Variants in GPALPP1 observed in about 807,000 individuals in gnomAD.
The protein encoded by GPALPP1 is GPALPP motifs containing 1.
A neutral mutation model predicts 38.9 loss-of-function variants in GPALPP1; 30 were observed. The ratio of observed to expected loss-of-function variants is 0.77; its 90% confidence interval spans 0.58 to 1.05. GPALPP1 has a LOEUF of 1.05. Among genes scored for constraint, GPALPP1 ranks in the 50% least tolerant of loss-of-function variants. The pLI, the probability that GPALPP1 is intolerant of heterozygous loss-of-function variation, is 0.00. For synonymous variants in GPALPP1, 120 were observed against 139.2 expected (o/e 0.86, Z 0.97); for missense variants, 384 against 408.8 (o/e 0.94, Z 0.52).
chr13:45,036,826 A>T (rs752475473), exon 8 of GPALPP1: 2 of 152,166 alleles, frequency 1.3e-5, no homozygotes, highest in Non-Finnish European at 2.9e-5. Context: ...GTGGCATGGC[A>T]TGCATCTGTA....
exon 8 of GPALPP1, chr13:45,035,470 G>T (rs768001040): frequency 1.3e-5 from 2 of 152,162 alleles, no homozygotes; most frequent in Non-Finnish European, 2.9e-5. Flanking sequence ...TGAACATTGA[G>T]CCTATACTTT....
Position 45,007,079 on chromosome 13 carries a change from C to G in GPALPP1, c.323+776C>G, listed in dbSNP as rs74905874. On this transcript the variant is annotated intron_variant, in intron 3 of 7. Coordinates refer to ENST00000379151, the MANE Select transcript of GPALPP1 (RefSeq NM_018559.5). ...ATTAACTTTAGTTGTTTCAGATATA[C>G]AGGGATAGGCAATCTACAGTCCCCA... is the stretch of plus-strand genomic sequence containing the variant. Among the ~76,000 whole-genome samples the G allele has an allele frequency of 7.3e-3, 1,109 of 151,956 alleles. 16 individuals carry two copies. The highest frequency in any genetic ancestry group is 0.026 in the African/African-American group (1,058 of 41,448).
intron 7 of GPALPP1, among the ~76,000 whole-genome samples, chr13:45,020,997 G>C (rs1344528519): frequency 6.6e-6 from 1 of 152,026 alleles, no homozygotes; most frequent in Non-Finnish European, 1.5e-5. Flanking sequence ...TTGGAATGTT[G>C]GATGTAAATA....
At chr13:45,015,869 A>G (rs781074880) in intron 6 of GPALPP1, among the ~76,000 whole-genome samples, 4 of 152,166 alleles carry the variant, frequency 2.6e-5, no homozygotes, top group Non-Finnish European at 4.4e-5. Flanking sequence ...TGGAGAAACT[A>G]TCCTCTATGA....
chr13:45,009,049 A>G (rs2137978266), intron 4 of GPALPP1, 170 bp downstream of exon 4: 1 of 689,542 alleles, frequency 1.5e-6, no homozygotes, highest in Non-Finnish European at 2.7e-6. Flanking sequence ...ACATAAGTAG[A>G]TGAAATAAAA....
chr13:45,000,887 TA>T (rs1269219842), intron 1 of GPALPP1, among the ~76,000 whole-genome samples: 1 of 152,190 alleles, frequency 6.6e-6, no homozygotes, highest in Non-Finnish European at 1.5e-5. Flanking sequence ...CAGCATGCCT[TA>T]GAGTTATTCT....
At chr13:45,001,774 A>G (rs2185595) in intron 1 of GPALPP1, 140,273 of 152,194 alleles carry the variant, frequency 0.92, 65,278 homozygotes, top group East Asian at 1. Context: ...CTCCACTGCC[A>G]GAATTCAAGC....
intron 1 of GPALPP1, among the ~76,000 whole-genome samples, chr13:44,996,547 G>T (rs1873291302): frequency 6.6e-6 from 1 of 151,198 alleles, no homozygotes; most frequent in Admixed American, 6.6e-5. Context: ...GCAGTGGCAT[G>T]ATCTCAGCTT....
exon 8 of GPALPP1, chr13:45,036,500 G>A (rs1312719013): frequency 6.6e-6 from 1 of 152,246 alleles, no homozygotes; most frequent in Non-Finnish European, 1.5e-5. Flanking sequence ...TTTCCTTGGG[G>A]GAATTAACCA....
rs1055919523 is a variant in GPALPP1 at position 45,029,582 on chromosome 13, C to T, written c.*1579C>T. The stretch of plus-strand genomic sequence containing the variant: ...ACTGACCACCAAATCTCTACCACAG[C>T]CTGGACCTCCTTGTGAAATATACCT... On this transcript the variant is annotated 3_prime_UTR_variant, in exon 8 of 8. Transcript: ENST00000379151. 2 of 152,188 alleles carry T rather than the reference C, an allele frequency of 1.3e-5. No homozygotes were observed. Among genetic ancestry groups the T allele is most frequent in the African/African-American group, 4.8e-5 (2 of 41,450 alleles). 9.4% of individuals were successfully genotyped at this position (152,188 alleles called of 1,614,324 possible).
At chr13:45,034,988 G>T (rs1329173314), downstream of GPALPP1, 2 of 127,274 alleles carry the variant, frequency 1.6e-5, no homozygotes, top group African/African-American at 3.0e-5. Flanking sequence ...ACGGAGTCTG[G>T]CTCTGTCTCT....
In GPALPP1 at chr13:45,015,550, G is replaced by T; in HGVS notation, c.659G>T (p.Arg220Leu). 6.3e-7 allele frequency: 1 copy of T among 1,597,574 alleles called. No homozygotes were observed. The highest frequency in any genetic ancestry group is 1.1e-5 in the South Asian group (1 of 88,308). ...KRRADDTSGD[R>L]SIWTDTPADR... ...AGAGCTGATGACACATCTGGAGATC[G>T]ATCAATCTGGACAGATACTCCAGCT... The change falls in exon 6 of 8, where the codon CGA (arginine) becomes CTA (leucine). Residue 220 changes from arginine (R) to leucine (L), a missense_variant. By Grantham distance (102) the Arg-to-Leu change is moderately radical. Transcript: ENST00000379151.
At chr13:45,014,300 T>A (rs1874679895) in intron 4 of GPALPP1, among the ~76,000 whole-genome samples, 2 of 152,216 alleles carry the variant, frequency 1.3e-5, no homozygotes, top group African/African-American at 4.8e-5. Flanking sequence ...TTTAATATAA[T>A]GTCTGTAACA....
downstream of GPALPP1, chr13:45,031,695 C>G (rs1168322703): frequency 1.3e-5 from 2 of 152,056 alleles, no homozygotes; most frequent in Non-Finnish European, 2.9e-5. Flanking sequence ...TTGTTTTGCC[C>G]CACAGAGAGA....
chr13:45,013,152 G>C (rs1403684684), intron 4 of GPALPP1, among the ~76,000 whole-genome samples: 1 of 152,188 alleles, frequency 6.6e-6, no homozygotes, highest in Non-Finnish European at 1.5e-5. Context: ...TCCCAGGCTT[G>C]ATTAATTCCT....
At chr13:45,017,925 C>T (rs1874988953) in intron 6 of GPALPP1, among the ~76,000 whole-genome samples, 2 of 152,176 alleles carry the variant, frequency 1.3e-5, no homozygotes, top group Admixed American at 1.3e-4. Flanking sequence ...CAGAGCTATT[C>T]ATTTTCTGTT....
At chr13:45,026,155 C>G (rs997493643) in intron 7 of GPALPP1, among the ~76,000 whole-genome samples, 1 of 152,054 alleles carries the variant, frequency 6.6e-6, no homozygotes, top group Non-Finnish European at 1.5e-5. Context: ...TTGGAAAGCA[C>G]TTGATTTGCT....
At chr13:45,034,712 T>C (rs952374910), downstream of GPALPP1, 5 of 151,388 alleles carry the variant, frequency 3.3e-5, no homozygotes, top group African/African-American at 9.7e-5. Flanking sequence ...GAGAATACTT[T>C]TTTATTTTTA....
chr13:45,026,831 A>G (rs1174861482), intron 7 of GPALPP1, among the ~76,000 whole-genome samples: 1 of 152,234 alleles, frequency 6.6e-6, no homozygotes, highest in East Asian at 1.9e-4. Context: ...GGAAGTTTCA[A>G]TCATACCGGT....
Sources: allele counts gnomAD v4.1 joint callset (sites outside exome capture counted in the v4.1 genomes callset), GRCh38; gene constraint gnomAD v4.1.1; transcripts MANE v1.5; gene names NCBI Gene and HGNC (gene_info 2026-07-23, HGNC 2026-07-21).